The following ENOX2 variants were observed in gnomAD, a reference collection of about 807,000 sequenced individuals.
ENOX2 encodes the protein APK1 antigen.
A neutral mutation model predicts 45.0 loss-of-function variants in ENOX2; 36 were observed. That is an observed-to-expected ratio of 0.80 (90% CI 0.61 to 1.06). The LOEUF (loss-of-function observed/expected upper bound fraction) is 1.06, where lower values mean the gene tolerates loss of function less well. Ranked by LOEUF, ENOX2 falls within the 50% of genes least tolerant of loss-of-function variation. The pLI is 0.00. For missense variants in ENOX2, 423 were observed against 462.5 expected (o/e 0.91, Z 0.78); for synonymous variants, 174 against 152.3 (o/e 1.14, Z -1.05).
At chrX:130,731,025 G>C (rs1251968834) in intron 3 of ENOX2, among the ~76,000 whole-genome samples, 4 of 110,579 alleles carry the variant, frequency 3.6e-5, no homozygotes, top group Non-Finnish European at 7.6e-5. Flanking sequence ...TAAATTTTAG[G>C]GTGCCCTGGC....
intron 3 of ENOX2, among the ~76,000 whole-genome samples, chrX:130,750,515 AT>A (rs1238578912): frequency 9.4e-6 from 1 of 106,077 alleles, no homozygotes; most frequent in African/African-American, 3.5e-5. Flanking sequence ...TTTCTCTATA[AT>A]TTTTTTCTCT....
At chrX:130,738,301 G>A (rs183315440) in intron 3 of ENOX2, among the ~76,000 whole-genome samples, 2 of 112,347 alleles carry the variant, frequency 1.8e-5, no homozygotes, top group African/African-American at 6.5e-5. Context: ...CTTTCCAGCT[G>A]TTCCTGGCTA....
chrX:130,672,372 C>T (rs1280548615), intron 6 of ENOX2, among the ~76,000 whole-genome samples: 1 of 112,287 alleles, frequency 8.9e-6, no homozygotes, highest in Non-Finnish European at 1.9e-5. Flanking sequence ...AGCCTGCTGG[C>T]CCGGTCCTGG....
intron 5 of ENOX2, among the ~76,000 whole-genome samples, chrX:130,683,625 C>T (rs2037370234): frequency 9.0e-6 from 1 of 111,189 alleles, no homozygotes; most frequent in Non-Finnish European, 1.9e-5. Context: ...GTAACCTCTC[C>T]ATAGAAGGTC....
At chrX:130,832,324 A>C (rs2077847588) in intron 2 of ENOX2, among the ~76,000 whole-genome samples, 1 of 110,090 alleles carries the variant, frequency 9.1e-6, no homozygotes, top group Non-Finnish European at 1.9e-5. Flanking sequence ...GCTCAAAATA[A>C]ATGACTTGCC....
At chrX:130,860,878 T>A (rs780250706) in intron 2 of ENOX2, among the ~76,000 whole-genome samples, 6 of 112,240 alleles carry the variant, frequency 5.3e-5, no homozygotes, top group Non-Finnish European at 1.1e-4. Context: ...ACAAGCCATC[T>A]ATTTGATAAA....
At chrX:130,668,590 T>TA (rs754495498) in intron 7 of ENOX2, among the ~76,000 whole-genome samples, 150 of 111,953 alleles carry the variant, frequency 1.3e-3, no homozygotes, top group African/African-American at 4.7e-3. Context: ...CTTCTGTTCT[T>TA]AAAGGCTCCA....
chrX:130,768,256 T>C (rs776848848), intron 3 of ENOX2, among the ~76,000 whole-genome samples: 2 of 111,897 alleles, frequency 1.8e-5, no homozygotes, highest in African/African-American at 6.5e-5. Flanking sequence ...TGCTGTATGT[T>C]TGGAAACTTA....
chrX:130,751,102 C>A (rs1250735107), intron 3 of ENOX2, among the ~76,000 whole-genome samples: 7 of 111,616 alleles, frequency 6.3e-5, no homozygotes, highest in African/African-American at 2.0e-4. Context: ...TAAGTACATT[C>A]ACACTGTGCA....
At chrX:130,663,531 CAAAAAAAAAAAA>C (rs771813859) in intron 9 of ENOX2, among the ~76,000 whole-genome samples, 5 of 43,033 alleles carry the variant, frequency 1.2e-4, no homozygotes, top group Middle Eastern at 0.017. Context: ...ACTCCGTCTC[CAAAAAAAAAAAA>C]AAAAAAAAAG....
At position 130,897,401 on chromosome X, in the gene ENOX2, G is replaced by A. The variant is rs779247952; in HGVS notation, c.-183+4283C>T. Among the ~76,000 whole-genome samples the A allele has an allele frequency of 3.1e-3, 350 of 111,691 alleles. 1 individual carries two copies. The highest frequency in any genetic ancestry group is 0.011 in the African/African-American group (327 of 30,692). On this transcript the variant is annotated intron_variant, in intron 2 of 14. Transcript: ENST00000394363. ...TTTTCTTCCTGACAAGGACCAGCAG[G>A]GATTGCTGGAAAATAAAGAAAACAG... is the stretch of plus-strand genomic sequence containing the variant.
intron 2 of ENOX2, among the ~76,000 whole-genome samples, chrX:130,806,045 C>T (rs2077294355): frequency 8.9e-6 from 1 of 111,944 alleles, no homozygotes; most frequent in African/African-American, 3.2e-5. Flanking sequence ...ATTGCTTCTA[C>T]CAGACTGGGC....
intron 3 of ENOX2, among the ~76,000 whole-genome samples, chrX:130,768,694 G>T (rs905902389): frequency 2.7e-5 from 3 of 111,919 alleles, no homozygotes; most frequent in Non-Finnish European, 3.8e-5. Flanking sequence ...TCCACAGGCA[G>T]GGAAGGGGAT....
chrX:130,732,061 C>T (rs1200340344), intron 3 of ENOX2, among the ~76,000 whole-genome samples: 1 of 111,904 alleles, frequency 8.9e-6, no homozygotes, highest in East Asian at 2.8e-4. Flanking sequence ...GGTAAATTAT[C>T]CCTGTTTCCA....
intron 2 of ENOX2, among the ~76,000 whole-genome samples, chrX:130,838,639 T>C (rs1603365936): frequency 8.9e-6 from 1 of 111,746 alleles, no homozygotes; most frequent in East Asian, 2.8e-4. Flanking sequence ...TTCTAGTCTG[T>C]CAAGTATCTT....
At chrX:130,723,814 G>A (rs1305453732) in intron 3 of ENOX2, among the ~76,000 whole-genome samples, 4 of 111,485 alleles carry the variant, frequency 3.6e-5, no homozygotes, top group East Asian at 2.8e-4. Flanking sequence ...TAAGAGATAC[G>A]TAGCACTAAT....
intron 3 of ENOX2, among the ~76,000 whole-genome samples, chrX:130,758,023 T>A (rs751032516): frequency 2.1e-4 from 24 of 112,429 alleles, no homozygotes; most frequent in Non-Finnish European, 4.1e-4. Context: ...TATACAGTTG[T>A]TATGAGAAGT....
At chrX:130,832,968 A>G (rs1255642607) in intron 2 of ENOX2, among the ~76,000 whole-genome samples, 1 of 108,878 alleles carries the variant, frequency 9.2e-6, no homozygotes, top group African/African-American at 3.4e-5. Context: ...AAAGACACAT[A>G]TGTTTTAATA....
At chrX:130,752,309 C>T (rs754319974) in intron 3 of ENOX2, among the ~76,000 whole-genome samples, 1 of 109,996 alleles carries the variant, frequency 9.1e-6, no homozygotes, top group East Asian at 2.9e-4. Flanking sequence ...ATTTAGTTGG[C>T]TCTCTATCTC....
Sources: allele counts gnomAD v4.1 joint callset (sites outside exome capture counted in the v4.1 genomes callset), GRCh38; gene constraint gnomAD v4.1.1; transcripts MANE v1.5; gene names NCBI Gene and HGNC (gene_info 2026-07-23, HGNC 2026-07-21).